The following FER1L5 variants were observed in gnomAD, a reference collection of about 807,000 sequenced individuals.
FER1L5 encodes fer-1-like protein 5.
FER1L5 carries 187 observed loss-of-function variants against 279.9 expected under a neutral mutation model. The observed-to-expected ratio is 0.67, with a 90% CI of 0.59 to 0.75. The LOEUF (loss-of-function observed/expected upper bound fraction) is 0.75, where lower values mean the gene tolerates loss of function less well. Ranked by LOEUF, FER1L5 falls within the 30% of genes least tolerant of loss-of-function variation. The pLI, the probability that FER1L5 is intolerant of heterozygous loss-of-function variation, is 0.00. For synonymous variants in FER1L5, 921 were observed against 989.7 expected, an observed-to-expected ratio of 0.93 and a Z score of 1.30; for missense variants, 2,091 against 2,594.4, an observed-to-expected ratio of 0.81 and a Z score of 4.21.
intron 5 of FER1L5, 80 bp from the exon 6 acceptor site, chr2:96,650,100 C>A: frequency 2.7e-6 from 3 of 1,111,084 alleles, no homozygotes; most frequent in Non-Finnish European, 4.0e-6. Context: ...TCACTGGGGA[C>A]AGAATGATGG....
Position 96,689,325 on chromosome 2 carries a change from C to T in FER1L5, c.2474C>T (p.Pro825Leu), listed in dbSNP as rs1240825951. The T allele has an allele frequency of 2.5e-5, 38 of 1,550,624 alleles. No individual in the cohort carries two copies. Among genetic ancestry groups the T allele is most frequent in the Non-Finnish European group, 3.2e-5 (37 of 1,146,706 alleles). Residue 825 changes from proline to leucine, a missense_variant, in exon 25 of 53, where the codon CCA (proline) becomes CTA (leucine). Coordinates refer to ENST00000624922, the MANE Select transcript of FER1L5 (RefSeq NM_001293083.2). The surrounding 1 kb of genome is among the most constrained non-coding windows in gnomAD (Gnocchi z 4.6). ...ACCCTCCCCATGACGGATTTCCAAC[C>T]ACCCCTGGGATGGCACTGGCAGGAC... ...NKTLPMTDFQ[P>L]PLGWHWQDSW...
Position 96,698,853 on chromosome 2 carries a change from C to A in FER1L5, c.4518+21C>A. ...GCCTGGTAAAGAACAGTACCTGCCC[C>A]ACACAGGTGCCCCGCACGCTCCCCT... On this transcript the variant is annotated intron_variant, in intron 41 of 52. Coordinates refer to ENST00000624922, the MANE Select transcript of FER1L5 (RefSeq NM_001293083.2). The surrounding 1 kb of genome is among the most constrained non-coding windows in gnomAD (Gnocchi z 5.5). 3 of 1,555,094 alleles carry A rather than the reference C, an allele frequency of 1.9e-6. No homozygotes were observed. The highest frequency in any genetic ancestry group is 2.6e-6 in the Non-Finnish European group (3 of 1,149,080).
At chr2:96,678,221 C>T (rs771890324) in intron 19 of FER1L5, among the ~76,000 whole-genome samples, 25 of 150,886 alleles carry the variant, frequency 1.7e-4, no homozygotes, top group East Asian at 3.9e-4. Flanking sequence ...GCCCGCCCCC[C>T]GGGTTCAAGC....
chr2:96,692,508 T>G (rs2077192180), intron 31 of FER1L5, among the ~76,000 whole-genome samples: 1 of 152,052 alleles, frequency 6.6e-6, no homozygotes, highest in African/African-American at 2.4e-5. Context: ...GAATTAGAAG[T>G]GGGAGCTGAG....
chr2:96,650,984 A>G (rs906900859), intron 6 of FER1L5, among the ~76,000 whole-genome samples: 1 of 152,146 alleles, frequency 6.6e-6, no homozygotes, highest in Admixed American at 6.5e-5. Flanking sequence ...TGAACCCCCC[A>G]GCCTCCAGCT....
In FER1L5 at chr2:96,685,983, C is replaced by T; in HGVS notation, c.1939C>T (p.Leu647=). The T allele has an allele frequency of 6.4e-7, 1 of 1,550,784 alleles. No individual in the cohort carries two copies. The highest frequency in any genetic ancestry group is 8.7e-7 in the Non-Finnish European group (1 of 1,146,564). ...CMTYQPKATS[L]DRKRWQLRSL... is the part of the protein sequence containing the mutation. Reference sequence around the variant, plus strand: ...GACCTATCAGCCCAAAGCCACCAGCCTGGACAGGAAGAGGTGGCAGCTCCG... The same window carrying T: ...GACCTATCAGCCCAAAGCCACCAGCTTGGACAGGAAGAGGTGGCAGCTCCG... The change falls in exon 22 of 53, where the codon CTG becomes TTG. Residue 647 remains leucine, a synonymous_variant. Coordinates refer to ENST00000624922, the MANE Select transcript of FER1L5 (RefSeq NM_001293083.2).
intron 9 of FER1L5, among the ~76,000 whole-genome samples, chr2:96,657,603 C>A (rs1012708744): frequency 2.0e-5 from 3 of 152,144 alleles, no homozygotes; most frequent in African/African-American, 7.2e-5. Context: ...CATCCGCAGA[C>A]AACCACTGAT....
rs189702421 is a variant in FER1L5, at chr2:96,685,790, G to T, written c.1896-150G>T. ...ACACAGCGAGCAGGCTTCCTATGGA[G>T]CAGTGGGAAGGGCTCCTGGGCCAGG... On this transcript the variant is annotated intron_variant, in intron 21 of 52. Coordinates refer to ENST00000624922, the MANE Select transcript of FER1L5 (RefSeq NM_001293083.2). The T allele has an allele frequency of 6.1e-5, 58 of 952,404 alleles. No individual in the cohort carries two copies. The African/African-American group carries it at 8.8e-4, about 14-fold the overall frequency. The allele number at this position is 952,404 out of a possible 1,614,324, so 59.0% of individuals were successfully genotyped here.
intron 19 of FER1L5, among the ~76,000 whole-genome samples, chr2:96,679,153 C>A (rs1371001296): frequency 2.0e-5 from 3 of 151,454 alleles, no homozygotes. Flanking sequence ...GAGTTCAAGA[C>A]CAGCCTGGGC....
At position 96,692,088 on chromosome 2, in the gene FER1L5, G is replaced by T. The variant is rs2153287286; in HGVS notation, c.3215-16G>T. ...GGTCCTGGGGCAGGTGACAGGCATG[G>T]CTTCTCTTTCCCCAGAGCCCCACTA... On this transcript the variant is annotated splice_polypyrimidine_tract_variant and intron_variant, in intron 30 of 52. Transcript: ENST00000624922. The T allele has an allele frequency of 1.3e-6, 2 of 1,551,428 alleles. No homozygotes were observed. Among genetic ancestry groups the T allele is most frequent in the East Asian group, 4.9e-5 (2 of 40,918 alleles).
Position 96,651,892 on chromosome 2 carries a change from G to T in FER1L5, c.505G>T (p.Val169Phe). 1 of 1,552,076 alleles carries T rather than the reference G, an allele frequency of 6.4e-7. No individual in the cohort carries two copies. ...ALSSKPQHFQVRVKVFEARQL... is the reference protein window; with the variant it reads ...ALSSKPQHFQFRVKVFEARQL... ...AGCTCCCCATGTGTTCCGCCCTTAG[G>T]TTCGAGTGAAGGTGTTTGAAGCCCG... The change falls in exon 7 of 53, where the codon GTT becomes TTT. Residue 169 changes from valine to phenylalanine, a missense_variant and splice_region_variant. Physicochemically the swap from Val to Phe is conservative, Grantham distance 50. Coordinates refer to ENST00000624922, the MANE Select transcript of FER1L5 (RefSeq NM_001293083.2).
At chr2:96,658,666 A>G (rs1195112499) in intron 9 of FER1L5, among the ~76,000 whole-genome samples, 1 of 152,118 alleles carries the variant, frequency 6.6e-6, no homozygotes, top group East Asian at 1.9e-4. Context: ...GTTGCCCCAC[A>G]TTCTCCACAA....
At position 96,691,527 on chromosome 2, in the gene FER1L5, G is replaced by A. The variant is rs563011812; in HGVS notation, c.2990G>A (p.Arg997Gln). 6.5e-6 allele frequency: 10 copies of A among 1,550,052 alleles called. No homozygotes were observed. The highest frequency in any genetic ancestry group is 2.7e-5 in the African/African-American group (2 of 73,080). ...CACCTCAACCCTCAGCCCCAGAGCCGGTTCCGCCGCCGCTGCTGGCGCCGC... is the reference window on the plus strand; with the variant it reads ...CACCTCAACCCTCAGCCCCAGAGCCAGTTCCGCCGCCGCTGCTGGCGCCGC... ...KFHLNPQPQS[R>Q]FRRRCWRRRL... is the part of the protein sequence containing the mutation. The change falls in exon 29 of 53, where the codon CGG (arginine) becomes CAG (glutamine). Residue 997 changes from arginine (R) to glutamine (Q), a missense_variant. By Grantham distance (43) the Arg-to-Gln change is conservative. Transcript: ENST00000624922. The surrounding 1 kb of genome is among the most constrained non-coding windows in gnomAD (Gnocchi z 6.0).
rs1481039668 is a variant in FER1L5 at position 96,693,911 on chromosome 2, G to A, written c.3475G>A (p.Gly1159Ser). 2.1e-5 allele frequency: 32 copies of A among 1,547,574 alleles called. No individual in the cohort carries two copies. Among genetic ancestry groups the A allele is most frequent in the Admixed American group, 7.9e-5 (4 of 50,630 alleles). The change falls in exon 33 of 53, where the codon GGC (glycine) becomes AGC (serine). Residue 1159 changes from glycine (G) to serine (S), a missense_variant and splice_region_variant. By Grantham distance (56) the Gly-to-Ser change is moderately conservative. Coordinates refer to ENST00000624922, the MANE Select transcript of FER1L5 (RefSeq NM_001293083.2). ...TGCTTTGTGAACTTCCCCCCTCCAG[G>A]GCAAGGAGAGCTTGTGGGGACGGAG... ...VLELWQRDFW[G>S]KESLWGRSVW...
rs2075160594 is a variant in FER1L5, at chr2:96,647,014, G to C, written c.139-50G>C. The C allele has an allele frequency of 2.0e-6, 3 of 1,523,338 alleles. No individual in the cohort carries two copies. The African/African-American group carries it at 4.1e-5, about 21-fold the overall frequency. 94.4% of individuals were successfully genotyped at this position (1,523,338 alleles called of 1,614,324 possible). On this transcript the variant is annotated intron_variant, in intron 2 of 52. Coordinates refer to ENST00000624922, the MANE Select transcript of FER1L5 (RefSeq NM_001293083.2). ...GTCTTTCCTCATTTCCTAGAAACAT[G>C]GGATGGGAAGGGCAGAGGGAGGATG...
At chr2:96,676,081 T>G (rs2076500370) in intron 19 of FER1L5, among the ~76,000 whole-genome samples, 1 of 152,242 alleles carries the variant, frequency 6.6e-6, no homozygotes, top group South Asian at 2.1e-4. Context: ...AATTTTTGCA[T>G]ATGGTATGAG....
chr2:96,704,431 T>G, intron 52 of FER1L5, 37 bp from the exon 53 acceptor site: 1 of 1,613,004 alleles, frequency 6.2e-7, no homozygotes, highest in Non-Finnish European at 8.5e-7. Flanking sequence ...CGTCTTCAGC[T>G]TGCCACCCCA....
chr2:96,659,366 T>TTCCTTCA (rs1573816278), intron 9 of FER1L5, among the ~76,000 whole-genome samples: 1 of 15,552 alleles, frequency 6.4e-5, no homozygotes, highest in Non-Finnish European at 1.1e-4. Context: ...TCCTTCCTTC[T>TTCCTTCA]TTCTTTCTTT....
chr2:96,647,940 T>G, intron 4 of FER1L5, 54 bp downstream of exon 4: 1 of 1,401,584 alleles, frequency 7.1e-7, no homozygotes, highest in Non-Finnish European at 9.9e-7. Flanking sequence ...TGAGGGGAGC[T>G]GGTGAAGCGG....
Sources: gnomAD v4.1 joint callset for allele counts (sites outside exome capture counted in the v4.1 genomes callset) on GRCh38, gnomAD v4.1.1 for gene constraint, Gnocchi (gnomAD v3.1) non-coding constraint, MANE v1.5 for transcripts, NCBI Gene and HGNC (gene_info 2026-07-23, HGNC 2026-07-21) for gene names.